Variants in MEIS1 observed in about 807,000 individuals in gnomAD.
The protein encoded by MEIS1 is homeobox protein Meis1.
In MEIS1, 5 loss-of-function variants were observed where a neutral mutation model predicts 50.8. That is an observed-to-expected ratio of 0.10 (90% CI 0.05 to 0.21). The LOEUF is 0.21. Among genes scored for constraint, MEIS1 ranks in the 10% least tolerant of loss-of-function variants. MEIS1 has a pLI of 1.00. For synonymous variants in MEIS1, 176 were observed against 179.3 expected (o/e 0.98, Z 0.15); for missense variants, 318 against 517.3 (o/e 0.61, Z 3.74).
chr2:66,514,413 G>A lies in MEIS1; in HGVS notation c.888+2119G>A, dbSNP rs1026338491. Among the ~76,000 whole-genome samples the A allele has an allele frequency of 2.0e-5, 3 of 152,138 alleles. No homozygotes were observed. In the East Asian group the frequency reaches 5.8e-4, roughly 29 times the overall value. ...TTACATGCATTGCATTGCTTATATGGACTATGTGTTTGTTACTGGGGCAAT... is the reference window on the plus strand; with the variant it reads ...TTACATGCATTGCATTGCTTATATGAACTATGTGTTTGTTACTGGGGCAAT... On this transcript the variant is annotated intron_variant, in intron 8 of 12. Coordinates refer to ENST00000272369, the MANE Select transcript of MEIS1 (RefSeq NM_002398.3).
Position 66,435,862 on chromosome 2 carries a change from G to T in MEIS1, c.6G>T (p.Ala2=), listed in dbSNP as rs1671785387. 2 of 1,570,502 alleles carry T rather than the reference G, an allele frequency of 1.3e-6. No individual in the cohort carries two copies. Among genetic ancestry groups the T allele is most frequent in the Admixed American group, 1.9e-5 (1 of 52,602 alleles). The change falls in exon 1 of 13, where the codon GCG becomes GCT. Residue 2 remains alanine, a synonymous_variant. Coordinates refer to ENST00000272369, the MANE Select transcript of MEIS1 (RefSeq NM_002398.3). Reference sequence around the variant, plus strand: ...GAAGGGAGCCAGAGAGGCCGATGGCGCAAAGGGTACGTATTAAAAAACAAT... The same window carrying T: ...GAAGGGAGCCAGAGAGGCCGATGGCTCAAAGGGTACGTATTAAAAAACAAT... The part of the protein sequence containing the change: M[A]QRYDDLPHYG...
chr2:66,531,353 G>A (rs1386050939), intron 8 of MEIS1, among the ~76,000 whole-genome samples: 1 of 152,332 alleles, frequency 6.6e-6, no homozygotes, highest in East Asian at 1.9e-4. Flanking sequence ...GTGATCATCA[G>A]GTCACAGATG....
Position 66,571,644 on chromosome 2 carries a change from T to TAGGGATG in MEIS1, c.*436_*437insAGGGATG. On this transcript the variant is annotated 3_prime_UTR_variant, in exon 13 of 13. Transcript: ENST00000272369. ...CTCTGGACCAAGGAGCATCCCTAAT[T>TAGGGATG]CTTCATAGGGACCTTTAAAAAGCAG... 1.6e-6 allele frequency: 2 copies of TAGGGATG among 1,228,310 alleles called. No homozygotes were observed. The highest frequency in any genetic ancestry group is 2.3e-6 in the Non-Finnish European group (2 of 878,342). 76.1% of individuals were successfully genotyped at this position (1,228,310 alleles called of 1,614,324 possible).
At chr2:66,562,757 A>G (rs979041880) in intron 9 of MEIS1, among the ~76,000 whole-genome samples, 3 of 152,172 alleles carry the variant, frequency 2.0e-5, no homozygotes, top group Non-Finnish European at 4.4e-5. Flanking sequence ...GTTTGGTCAG[A>G]AGAAGAAATT....
intron 8 of MEIS1, 29 bp downstream of exon 8, chr2:66,512,323 A>G: frequency 6.3e-7 from 1 of 1,593,436 alleles, no homozygotes; most frequent in Non-Finnish European, 8.5e-7. Context: ...ACATATATAA[A>G]CTAAATATGG....
rs373374640 is a variant in MEIS1 at position 66,510,079 on chromosome 2, C to T, written c.743-2070C>T. Among the ~76,000 whole-genome samples the T allele has an allele frequency of 1.2e-4, 19 of 152,142 alleles. No homozygotes were observed. The East Asian group carries it at 3.3e-3, about 26-fold the overall frequency. On this transcript the variant is annotated intron_variant, in intron 7 of 12. Coordinates refer to ENST00000272369, the MANE Select transcript of MEIS1 (RefSeq NM_002398.3). ...AATGATCAGGTCGTATGTGTCTTTTCCTTGGTTACCTTTTGCATATTGAAA... is the reference window on the plus strand; with the variant it reads ...AATGATCAGGTCGTATGTGTCTTTTTCTTGGTTACCTTTTGCATATTGAAA...
chr2:66,440,529 T>A (rs1336012305), intron 3 of MEIS1, 33 bp from the exon 4 acceptor site: 1 of 1,587,730 alleles, frequency 6.3e-7, no homozygotes, highest in Non-Finnish European at 8.6e-7. Context: ...TTCTCTCCCC[T>A]CCCTCTCCCC....
intron 7 of MEIS1, among the ~76,000 whole-genome samples, chr2:66,503,846 G>A (rs553208736): frequency 4.9e-4 from 72 of 145,810 alleles, no homozygotes; most frequent in African/African-American, 1.8e-3. Context: ...CCGGGTTCGC[G>A]CCATTCTCCT....
At chr2:66,462,799 A>T (rs1277534120) in intron 6 of MEIS1, among the ~76,000 whole-genome samples, 1 of 152,248 alleles carries the variant, frequency 6.6e-6, no homozygotes, top group Non-Finnish European at 1.5e-5. Context: ...GAGAATATGC[A>T]TAATGGGTCA....
chr2:66,494,315 A>G (rs1006171315), intron 7 of MEIS1, among the ~76,000 whole-genome samples: 1 of 152,230 alleles, frequency 6.6e-6, no homozygotes, highest in African/African-American at 2.4e-5. Flanking sequence ...TTCCGCATAT[A>G]TGGAAAAACT....
rs903872089 is a variant in MEIS1 at position 66,435,606 on chromosome 2, T to A, written c.-251T>A. 1 of 408,504 alleles carries A rather than the reference T, an allele frequency of 2.4e-6. No homozygotes were observed. The highest frequency in any genetic ancestry group is 2.1e-5 in the African/African-American group (1 of 48,418). The allele number at this position is 408,504 out of a possible 1,614,324, so 25.3% of individuals were successfully genotyped here. On this transcript the variant is annotated 5_prime_UTR_variant, in exon 1 of 13. Transcript: ENST00000272369. The stretch of plus-strand genomic sequence containing the variant: ...TTTGGGGGAGAGAAGATCTGCTTTT[T>A]TTTGCCCCCGCTGCTGTCTTGGAAA...
chr2:66,501,652 G>GAA (rs1264761768), intron 7 of MEIS1, among the ~76,000 whole-genome samples: 3 of 138,856 alleles, frequency 2.2e-5, no homozygotes, highest in Admixed American at 7.2e-5. Context: ...AAATGATTCA[G>GAA]AAAAAAAAAA....
At chr2:66,503,808 G>A (rs549503898) in intron 7 of MEIS1, among the ~76,000 whole-genome samples, 2 of 136,548 alleles carry the variant, frequency 1.5e-5, no homozygotes, top group Admixed American at 8.3e-5. Flanking sequence ...GCAATGGCGC[G>A]ATCTTGGCTC....
intron 7 of MEIS1, among the ~76,000 whole-genome samples, chr2:66,491,973 A>G (rs923328812): frequency 1.3e-5 from 2 of 151,950 alleles, no homozygotes; most frequent in Non-Finnish European, 2.9e-5. Flanking sequence ...TATTGTAGAT[A>G]TTTAATAAGG....
intron 7 of MEIS1, among the ~76,000 whole-genome samples, chr2:66,500,832 TTG>T (rs1673535998): frequency 6.6e-6 from 1 of 151,970 alleles, no homozygotes; most frequent in Admixed American, 6.5e-5. Flanking sequence ...GTAAAAGTGT[TTG>T]TATATACACA....
chr2:66,536,598 A>G lies in MEIS1; in HGVS notation c.889-11345A>G, dbSNP rs180680677. Among the ~76,000 whole-genome samples the G allele has an allele frequency of 4.6e-5, 7 of 152,362 alleles. No homozygotes were observed. In the East Asian group the frequency reaches 1.2e-3, roughly 25 times the overall value. On this transcript the variant is annotated intron_variant, in intron 8 of 12. Coordinates refer to ENST00000272369, the MANE Select transcript of MEIS1 (RefSeq NM_002398.3). The stretch of plus-strand genomic sequence containing the variant: ...CTTAAATCTTCTCTGACTCTTGAAA[A>G]TAAATTTCACTCAGGTGTCTGAGAG...
intron 6 of MEIS1, among the ~76,000 whole-genome samples, chr2:66,453,645 C>T (rs1672325565): frequency 6.6e-6 from 1 of 151,728 alleles, no homozygotes; most frequent in Non-Finnish European, 1.5e-5. Flanking sequence ...ACTTAAAACA[C>T]AAAATGTTGT....
intron 6 of MEIS1, among the ~76,000 whole-genome samples, chr2:66,452,646 A>G (rs1672301680): frequency 6.6e-6 from 1 of 151,972 alleles, no homozygotes; most frequent in Admixed American, 6.5e-5. Context: ...TATGTTCAAG[A>G]AAAAGAAAGA....
At chr2:66,439,599 T>TA (rs1558518626) in intron 2 of MEIS1, 10 of 1,533,212 alleles carry the variant, frequency 6.5e-6, no homozygotes, top group Non-Finnish European at 8.7e-6. Context: ...TCCGGCCAGA[T>TA]ACGCTAAACC....
Sources: allele counts gnomAD v4.1 joint callset (sites outside exome capture counted in the v4.1 genomes callset), GRCh38; gene constraint gnomAD v4.1.1; transcripts MANE v1.5; gene names NCBI Gene and HGNC (gene_info 2026-07-23, HGNC 2026-07-21).